Variants in KHDRBS3 observed in about 807,000 individuals in gnomAD.
KHDRBS3 encodes the protein KH RNA binding domain containing, signal transduction associated 3.
KHDRBS3 carries 23 observed loss-of-function variants against 45.6 expected under a neutral mutation model. That is an observed-to-expected ratio of 0.50 (90% CI 0.36 to 0.72). The LOEUF is 0.72. KHDRBS3 is among the 30% of genes least tolerant of loss of function. KHDRBS3 has a pLI of 0.00. For synonymous variants in KHDRBS3, 162 were observed against 156.5 expected, an observed-to-expected ratio of 1.04 and a Z score of -0.26; for missense variants, 352 against 424.8, an observed-to-expected ratio of 0.83 and a Z score of 1.51.
chr8:135,550,650 G>A (rs1370429237), intron 4 of KHDRBS3, among the ~76,000 whole-genome samples: 1 of 151,890 alleles, frequency 6.6e-6, no homozygotes, highest in African/African-American at 2.4e-5. Flanking sequence ...TGGAAATCTA[G>A]GTTGTGTAAA....
rs772650816 is a variant in KHDRBS3, at chr8:135,542,639, G to A, written c.208-15G>A. The A allele has an allele frequency of 1.3e-6, 2 of 1,563,680 alleles. No individual in the cohort carries two copies. The highest frequency in any genetic ancestry group is 1.8e-6 in the Non-Finnish European group (2 of 1,135,802). On this transcript the variant is annotated splice_polypyrimidine_tract_variant and intron_variant, in intron 2 of 8. Coordinates refer to ENST00000355849, the MANE Select transcript of KHDRBS3 (RefSeq NM_006558.3). Reference sequence around the variant, plus strand: ...ACATATAAATGCTACAAATTTGGTTGTTTATTTTTCCTAGTTCAACTTTGT... The same window carrying A: ...ACATATAAATGCTACAAATTTGGTTATTTATTTTTCCTAGTTCAACTTTGT...
At chr8:135,535,749 A>G (rs972287820) in intron 2 of KHDRBS3, among the ~76,000 whole-genome samples, 3 of 152,164 alleles carry the variant, frequency 2.0e-5, no homozygotes, top group African/African-American at 2.4e-5. Flanking sequence ...AGACTGAGGA[A>G]TGTATAAAGC....
chr8:135,642,366 G>GT (rs1051591235), intron 7 of KHDRBS3, among the ~76,000 whole-genome samples: 9 of 152,314 alleles, frequency 5.9e-5, no homozygotes, highest in Admixed American at 4.6e-4. Flanking sequence ...AAAGCATAGA[G>GT]TTTTTTTAGA....
intron 3 of KHDRBS3, among the ~76,000 whole-genome samples, chr8:135,547,416 T>C (rs1826364096): frequency 6.6e-6 from 1 of 152,206 alleles, no homozygotes; most frequent in African/African-American, 2.4e-5. Context: ...TCTGCATTAA[T>C]ATACATGTGC....
At chr8:135,563,131 C>T (rs1313512331) in intron 5 of KHDRBS3, among the ~76,000 whole-genome samples, 1 of 152,028 alleles carries the variant, frequency 6.6e-6, no homozygotes, top group Non-Finnish European at 1.5e-5. Context: ...ACTTAAAATC[C>T]TTCAGTGGCT....
chr8:135,473,794 G>A (rs946320426), intron 1 of KHDRBS3, among the ~76,000 whole-genome samples: 8 of 152,146 alleles, frequency 5.3e-5, no homozygotes, highest in Admixed American at 2.0e-4. Flanking sequence ...AGAGTTCCAG[G>A]AGAAAAGCCC....
At chr8:135,506,082 T>A (rs989117877) in intron 1 of KHDRBS3, among the ~76,000 whole-genome samples, 26 of 152,212 alleles carry the variant, frequency 1.7e-4, no homozygotes, top group African/African-American at 5.1e-4. Context: ...AGATGGCTTG[T>A]TTGTGGAAAT....
chr8:135,521,676 G>A (rs935787775), intron 2 of KHDRBS3, among the ~76,000 whole-genome samples: 3 of 152,116 alleles, frequency 2.0e-5, no homozygotes, highest in Non-Finnish European at 1.5e-5. Flanking sequence ...GATAATCTGT[G>A]TTAAATGCTT....
rs1039016447 is a variant in KHDRBS3 at position 135,545,181 on chromosome 8, G to A, written c.324+2411G>A. On this transcript the variant is annotated intron_variant, in intron 3 of 8. Coordinates refer to ENST00000355849, the MANE Select transcript of KHDRBS3 (RefSeq NM_006558.3). ...CTAGGAAATATCATAGTTACTGTAC[G>A]CAAGCAGCCTTTCCCCTGGGTTTAA... 5.3e-5 allele frequency among the ~76,000 whole-genome samples: 8 copies of A among 152,080 alleles called. No individual in the cohort carries two copies. In the East Asian group the frequency reaches 5.8e-4, roughly 11 times the overall value.
intron 1 of KHDRBS3, among the ~76,000 whole-genome samples, chr8:135,470,775 G>A (rs572626147): frequency 5.5e-4 from 84 of 152,094 alleles, no homozygotes; most frequent in African/African-American, 1.9e-3. Flanking sequence ...TAGTAGAGAC[G>A]AAGTTTCACC....
intron 7 of KHDRBS3, among the ~76,000 whole-genome samples, chr8:135,620,988 G>A (rs1302966305): frequency 6.6e-6 from 1 of 152,128 alleles, no homozygotes; most frequent in Non-Finnish European, 1.5e-5. Flanking sequence ...CAGTTGAATT[G>A]ATAACGTGTA....
intron 1 of KHDRBS3, among the ~76,000 whole-genome samples, chr8:135,475,745 A>G (rs1822250092): frequency 6.6e-6 from 1 of 152,142 alleles, no homozygotes; most frequent in Admixed American, 6.5e-5. Flanking sequence ...CAGATACCAT[A>G]CCAGGACATT....
intron 6 of KHDRBS3, among the ~76,000 whole-genome samples, chr8:135,600,420 C>T (rs557122731): frequency 1.2e-4 from 18 of 152,128 alleles, no homozygotes; most frequent in African/African-American, 3.6e-4. Flanking sequence ...GTAGAGGAAG[C>T]GGGGATGGGT....
At chr8:135,543,045 C>T (rs1052205292) in intron 3 of KHDRBS3, among the ~76,000 whole-genome samples, 1 of 152,086 alleles carries the variant, frequency 6.6e-6, no homozygotes, top group African/African-American at 2.4e-5. Flanking sequence ...TTAAAATTAT[C>T]ATGAAAAGAA....
At chr8:135,469,539 T>G (rs1049890159) in intron 1 of KHDRBS3, among the ~76,000 whole-genome samples, 7 of 103,132 alleles carry the variant, frequency 6.8e-5, no homozygotes, top group African/African-American at 2.2e-4. Flanking sequence ...TTTTTTTTTT[T>G]TTTTTTTTGA....
intron 5 of KHDRBS3, among the ~76,000 whole-genome samples, chr8:135,577,027 T>C (rs1156907179): frequency 6.6e-6 from 1 of 152,100 alleles, no homozygotes; most frequent in Non-Finnish European, 1.5e-5. Context: ...ACATGTACAG[T>C]GACATCAGAA....
intron 2 of KHDRBS3, among the ~76,000 whole-genome samples, chr8:135,532,569 G>A (rs917764589): frequency 2.0e-5 from 3 of 152,074 alleles, no homozygotes; most frequent in Non-Finnish European, 4.4e-5. Context: ...GTACACACAC[G>A]GAGTGGTTTT....
intron 4 of KHDRBS3, among the ~76,000 whole-genome samples, chr8:135,656,073 C>T (rs1010722587): frequency 1.3e-5 from 2 of 152,228 alleles, no homozygotes; most frequent in African/African-American, 2.4e-5. Flanking sequence ...TTAATTTTAA[C>T]GATTCTGTTT....
chr8:135,496,231 C>G (rs1823439407), intron 1 of KHDRBS3, among the ~76,000 whole-genome samples: 1 of 151,294 alleles, frequency 6.6e-6, no homozygotes, highest in African/African-American at 2.4e-5. Flanking sequence ...GAAGAAAACT[C>G]TTCAGAAGCA....
Sources: gnomAD v4.1 joint callset for allele counts (sites outside exome capture counted in the v4.1 genomes callset) on GRCh38, gnomAD v4.1.1 for gene constraint, MANE v1.5 for transcripts, NCBI Gene and HGNC (gene_info 2026-07-23, HGNC 2026-07-21) for gene names.